TNRC6C: variants seen among roughly 807,000 people sequenced by gnomAD.
TNRC6C encodes the protein trinucleotide repeat-containing gene 6C protein.
Under a neutral mutation model 153.7 loss-of-function variants are expected in TNRC6C, and 20 were observed. That is an observed-to-expected ratio of 0.13 (90% CI 0.09 to 0.19). TNRC6C has a LOEUF of 0.19. TNRC6C is among the 10% of genes least tolerant of loss of function. The probability of loss-of-function intolerance (pLI) is 1.00; values close to 1 mark genes in which losing one functional copy is unlikely to be tolerated. For synonymous variants in TNRC6C, 811 were observed against 841.4 expected, an observed-to-expected ratio of 0.96 and a Z score of 0.63; for missense variants, 1,987 against 2,172.0, an observed-to-expected ratio of 0.91 and a Z score of 1.69.
At chr17:78,050,270 C>T (rs979330024) in exon 3 of TNRC6C, 2 of 1,546,054 alleles carry the variant, frequency 1.3e-6, no homozygotes, top group African/African-American at 2.8e-5. Flanking sequence ...AGTGATGGTT[C>T]TGGCAACCAC....
chr17:78,033,690 G>GTA (rs1461074512), intron 2 of TNRC6C, among the ~76,000 whole-genome samples: 1 of 151,658 alleles, frequency 6.6e-6, no homozygotes, highest in Non-Finnish European at 1.5e-5. Context: ...AGGTGTGTGA[G>GTA]TATATATATA....
chr17:78,038,678 C>G (rs929906800), intron 2 of TNRC6C, among the ~76,000 whole-genome samples: 1 of 61,244 alleles, frequency 1.6e-5, no homozygotes, highest in South Asian at 5.7e-4. Context: ...GACTCCGTGT[C>G]AAAAAAAAAA....
At chr17:78,032,090 C>G (rs1417886784) in intron 2 of TNRC6C, among the ~76,000 whole-genome samples, 1 of 152,190 alleles carries the variant, frequency 6.6e-6, no homozygotes, top group African/African-American at 2.4e-5. Context: ...TCATCAGAAA[C>G]TAAAGGTCTG....
rs1039771240 is a variant in TNRC6C at position 78,039,318 on chromosome 17, C to G, written c.-219+7476C>G. 6.0e-5 allele frequency among the ~76,000 whole-genome samples: 9 copies of G among 148,844 alleles called. 1 individual carries two copies. The highest frequency in any genetic ancestry group is 4.4e-4 in the South Asian group (2 of 4,574). ...AGCAATTTCAAATCTTGCCCCCCCC[C>G]CCCACTCCCTACCTCTTACCAGGTC... is the stretch of plus-strand genomic sequence containing the variant. On this transcript the variant is annotated intron_variant, in intron 2 of 19. Transcript: ENST00000301624.
In TNRC6C at chr17:77,982,761, G is replaced by A. The variant is rs147306901; in HGVS notation, c.-37-21409G>A. On this transcript the variant is annotated intron_variant, in intron 1 of 22. Coordinates refer to the TNRC6C transcript ENST00000636222. The stretch of plus-strand genomic sequence containing the variant: ...CAGGAGAATTGTTTAAATCTAGGAG[G>A]CAGAGGTTGCAGTGAGCCGAGATTG... Among the ~76,000 whole-genome samples the A allele has an allele frequency of 8.6e-3, 1,314 of 152,282 alleles. 13 individuals carry two copies. Among genetic ancestry groups the A allele is most frequent in the South Asian group, 0.038 (181 of 4,822 alleles).
chr17:78,064,882 G>A (rs558966347), exon 4 of TNRC6C: 19 of 1,611,922 alleles, frequency 1.2e-5, no homozygotes, highest in Middle Eastern at 1.7e-4. Flanking sequence ...CAGAGCCGCC[G>A]GTGGCATTTG....
At chr17:78,006,870 G>C (rs576922549) in intron 1 of TNRC6C, among the ~76,000 whole-genome samples, 51 of 149,958 alleles carry the variant, frequency 3.4e-4, no homozygotes, top group African/African-American at 1.2e-3. Flanking sequence ...TATCGCCCAG[G>C]CTGGGTGGAG....
intron 3 of TNRC6C, among the ~76,000 whole-genome samples, chr17:78,061,870 A>G (rs978609230): frequency 1.3e-5 from 2 of 152,196 alleles, no homozygotes; most frequent in African/African-American, 2.4e-5. Flanking sequence ...AAATCAATGA[A>G]CTATGCTTAC....
chr17:78,075,443 G>T lies in TNRC6C; in HGVS notation c.3060+165G>T, dbSNP rs2073068169. On this transcript the variant is annotated intron_variant, in intron 8 of 19. Coordinates refer to ENST00000301624, the Ensembl canonical transcript of TNRC6C. The surrounding 1 kb of genome is among the most constrained non-coding windows in gnomAD (Gnocchi z 4.2). ...TTATGAACATTTAACTCAAAGAAGG[G>T]AATGTCGTATTTCATAAGATGTTAC... The T allele has an allele frequency of 2.5e-6, 2 of 788,136 alleles. No individual in the cohort carries two copies. The highest frequency in any genetic ancestry group is 3.9e-6 in the Non-Finnish European group (2 of 514,576). 48.8% of individuals were successfully genotyped at this position (788,136 alleles called of 1,614,324 possible).
At chr17:78,062,038 G>A (rs1271018820) in intron 3 of TNRC6C, among the ~76,000 whole-genome samples, 1 of 152,118 alleles carries the variant, frequency 6.6e-6, no homozygotes, top group Non-Finnish European at 1.5e-5. Context: ...TAGCTAATTG[G>A]TCTTTAGCAA....
At chr17:78,044,458 T>C (rs2072365928) in intron 2 of TNRC6C, among the ~76,000 whole-genome samples, 1 of 152,212 alleles carries the variant, frequency 6.6e-6, no homozygotes, top group African/African-American at 2.4e-5. Flanking sequence ...CGCCTTGCCT[T>C]CATGGTGTTT....
intron 9 of TNRC6C, chr17:78,077,794 C>T (rs139213672): frequency 1.5e-3 from 256 of 172,642 alleles, no homozygotes; most frequent in African/African-American, 5.8e-3. Context: ...TCAGGAGTCA[C>T]ACTGGCATTT....
chr17:78,093,363 G>T, intron 15 of TNRC6C: 1 of 664,854 alleles, frequency 1.5e-6, no homozygotes, highest in Non-Finnish European at 2.5e-6. Flanking sequence ...GTGGCAGGGA[G>T]GAAGCACACT....
rs528147137 is a variant in TNRC6C, at chr17:78,104,761, C to T, written c.4989C>T (p.Ser1663=). 5.5e-4 allele frequency: 820 copies of T among 1,488,926 alleles called. 1 individual carries two copies. Among genetic ancestry groups the T allele is most frequent in the Non-Finnish European group, 6.8e-4 (757 of 1,119,632 alleles). 92.2% of individuals were successfully genotyped at this position (1,488,926 alleles called of 1,614,324 possible). A position where few individuals can be genotyped will look rare whatever the true frequency, so the allele number is the denominator to read the frequency against. ...CCAGCAGCCTGTGGGGCCCGCCCAG[C>T]GCCGACGACAGCAGGGTGATAGGCA... The change falls in exon 20 of 20, where the codon AGC becomes AGT. Residue 1663 remains serine (S), a synonymous_variant. Coordinates refer to ENST00000301624, the Ensembl canonical transcript of TNRC6C. This position sits in a 1 kb window ranked among gnomAD's most constrained non-coding sequence, Gnocchi z 6.2.
chr17:78,027,981 C>T (rs563580664), intron 1 of TNRC6C, among the ~76,000 whole-genome samples: 2 of 151,570 alleles, frequency 1.3e-5, no homozygotes, highest in Admixed American at 6.6e-5. Flanking sequence ...TTGCAAGCTC[C>T]ACCTCCCGGG....
chr17:77,989,176 G>C (rs2071214391), intron 1 of TNRC6C, among the ~76,000 whole-genome samples: 1 of 152,190 alleles, frequency 6.6e-6, no homozygotes, highest in Admixed American at 6.5e-5. Flanking sequence ...ATGGACTTTT[G>C]TTTAGGGATG....
At chr17:78,080,613 T>C (rs993231388) in intron 10 of TNRC6C, among the ~76,000 whole-genome samples, 1 of 152,210 alleles carries the variant, frequency 6.6e-6, no homozygotes, top group African/African-American at 2.4e-5. Context: ...ATTACAGTGT[T>C]AGTTCTTACC....
intron 3 of TNRC6C, among the ~76,000 whole-genome samples, chr17:78,052,563 C>T (rs998087886): frequency 7.2e-5 from 11 of 152,150 alleles, no homozygotes; most frequent in East Asian, 1.9e-4. Flanking sequence ...GGTCTGCATG[C>T]GGGGGCCACT....
At chr17:78,037,057 T>G (rs1242384351) in intron 2 of TNRC6C, among the ~76,000 whole-genome samples, 1 of 152,238 alleles carries the variant, frequency 6.6e-6, no homozygotes, top group African/African-American at 2.4e-5. Context: ...TCTTAAAACA[T>G]TTTGTCATAA....
Sources: gnomAD v4.1 joint callset for allele counts (sites outside exome capture counted in the v4.1 genomes callset) on GRCh38, gnomAD v4.1.1 for gene constraint, Gnocchi (gnomAD v3.1) non-coding constraint, MANE v1.5 for transcripts, NCBI Gene and HGNC (gene_info 2026-07-23, HGNC 2026-07-21) for gene names.